NEDD4: variants seen among roughly 807,000 people sequenced by gnomAD.
The protein encoded by NEDD4 is NEDD4 E3 ubiquitin protein ligase.
NEDD4 carries 99 observed loss-of-function variants against 144.9 expected under a neutral mutation model. That is an observed-to-expected ratio of 0.68 (90% CI 0.58 to 0.81). NEDD4 has a LOEUF of 0.81. NEDD4 is among the 30% of genes least tolerant of loss of function. The pLI is 0.00. For missense variants in NEDD4, 985 were observed against 1,065.9 expected (o/e 0.92, Z 1.06); for synonymous variants, 318 against 350.6 (o/e 0.91, Z 1.04).
At chr15:55,838,302 A>G in intron 22 of NEDD4, 122 bp from the exon 23 acceptor site, 1 of 764,360 alleles carries the variant, frequency 1.3e-6, no homozygotes, top group Non-Finnish European at 2.1e-6. Flanking sequence ...GTTAAAAACT[A>G]AGAAAACTTA....
chr15:55,833,148 G>T lies in NEDD4; in HGVS notation c.2431-44C>A, dbSNP rs189952374. The T allele has an allele frequency of 1.8e-3, 2,153 of 1,228,588 alleles. 6 individuals carry two copies. Among genetic ancestry groups the T allele is most frequent in the Middle Eastern group, 3.1e-3 (16 of 5,222 alleles). 76.1% of individuals were successfully genotyped at this position (1,228,588 alleles called of 1,614,324 possible). On this transcript the variant is annotated intron_variant, in intron 26 of 28. Transcript: ENST00000435532. ...TCATTTAGGGAACAGCACTGGGAAA[G>T]AGGTAAACAAATTATCCTGAAACAT...
chr15:55,932,074 T>C (rs1261737683), intron 4 of NEDD4, among the ~76,000 whole-genome samples: 4 of 152,208 alleles, frequency 2.6e-5, no homozygotes, highest in African/African-American at 7.2e-5. Flanking sequence ...TCTTGAATTG[T>C]AGTTCGCATA....
intron 5 of NEDD4, among the ~76,000 whole-genome samples, chr15:55,907,364 T>G (rs927225479): frequency 6.6e-6 from 1 of 152,196 alleles, no homozygotes; most frequent in South Asian, 2.1e-4. Flanking sequence ...ATAAAAGTAA[T>G]TAAATCATAT....
At chr15:55,939,120 C>CA (rs1555405991) in intron 4 of NEDD4, among the ~76,000 whole-genome samples, 6 of 150,878 alleles carry the variant, frequency 4.0e-5, no homozygotes, top group Admixed American at 1.3e-4. Context: ...ACAACAACAA[C>CA]AACAAACAAA....
At chr15:55,855,514 A>G (rs1287366454) in intron 12 of NEDD4, among the ~76,000 whole-genome samples, 1 of 152,226 alleles carries the variant, frequency 6.6e-6, no homozygotes, top group African/African-American at 2.4e-5. Context: ...AAAAACAAGT[A>G]GGGCTTCTGG....
intron 6 of NEDD4, among the ~76,000 whole-genome samples, chr15:55,873,715 GT>G (rs2034889609): frequency 6.6e-6 from 1 of 152,042 alleles, no homozygotes; most frequent in Non-Finnish European, 1.5e-5. Flanking sequence ...TTTACACAAT[GT>G]TTTCACAATG....
chr15:55,929,460 C>A (rs1454268837), intron 4 of NEDD4, among the ~76,000 whole-genome samples: 2 of 151,878 alleles, frequency 1.3e-5, no homozygotes, highest in Non-Finnish European at 2.9e-5. Flanking sequence ...ACCCAACAGG[C>A]AGCTTTTCTA....
At chr15:55,989,279 A>G (rs143964435) in intron 1 of NEDD4, among the ~76,000 whole-genome samples, 81 of 152,310 alleles carry the variant, frequency 5.3e-4, no homozygotes, top group African/African-American at 1.9e-3. Flanking sequence ...TTAAAAATAC[A>G]CTATATTTAT....
Position 55,945,118 on chromosome 15 carries a change from G to A in NEDD4, c.237+6258C>T, listed in dbSNP as rs146565479. On this transcript the variant is annotated intron_variant, in intron 4 of 28. Transcript: ENST00000435532. ...AGCGCATCTTCTCCTCCAAAGGATC[G>A]CAGCCCCTCGCCAGCAACAGAACAA... 6.1e-3 allele frequency among the ~76,000 whole-genome samples: 935 copies of A among 152,142 alleles called. 12 individuals carry two copies. Among genetic ancestry groups the A allele is most frequent in the African/African-American group, 0.022 (897 of 41,508 alleles).
At chr15:55,907,925 G>A (rs1325260479) in intron 5 of NEDD4, among the ~76,000 whole-genome samples, 2 of 152,166 alleles carry the variant, frequency 1.3e-5, no homozygotes, top group Non-Finnish European at 2.9e-5. Context: ...CTATGAATCA[G>A]ACTCCACTGT....
chr15:55,899,204 T>C (rs1595815980), intron 5 of NEDD4, among the ~76,000 whole-genome samples: 2 of 150,050 alleles, frequency 1.3e-5, no homozygotes, highest in Non-Finnish European at 1.5e-5. Context: ...CTCTCTCTCT[T>C]TTTCAAACCT....
At chr15:55,839,344 T>C (rs1393603999) in intron 21 of NEDD4, among the ~76,000 whole-genome samples, 1 of 152,098 alleles carries the variant, frequency 6.6e-6, no homozygotes, top group African/African-American at 2.4e-5. Context: ...TGTGAAATGT[T>C]TAAGTAGCTA....
intron 3 of NEDD4, 43 bp from the exon 4 acceptor site, chr15:55,951,457 T>C (rs1281804359): frequency 1.5e-6 from 2 of 1,363,334 alleles, no homozygotes; most frequent in Non-Finnish European, 2.0e-6. Flanking sequence ...AGGTTTTGTC[T>C]TATAAAAATA....
chr15:55,985,277 T>A (rs2037871569), intron 1 of NEDD4, among the ~76,000 whole-genome samples: 1 of 152,242 alleles, frequency 6.6e-6, no homozygotes, highest in South Asian at 2.1e-4. Flanking sequence ...CACAGGCCAC[T>A]ACAGAAAATG....
At chr15:55,840,574 T>A in intron 20 of NEDD4, 32 bp downstream of exon 20, 1 of 1,613,416 alleles carries the variant, frequency 6.2e-7, no homozygotes, top group Non-Finnish European at 8.5e-7. Context: ...AACAGGTAAT[T>A]ATATTGTAAA....
intron 24 of NEDD4, among the ~76,000 whole-genome samples, chr15:55,837,210 A>T (rs1331054169): frequency 6.6e-6 from 1 of 152,108 alleles, no homozygotes; most frequent in African/African-American, 2.4e-5. Context: ...TGGATGGATC[A>T]CTTGAGGTCT....
intron 24 of NEDD4, among the ~76,000 whole-genome samples, chr15:55,837,056 A>G (rs1243397213): frequency 6.6e-6 from 1 of 152,228 alleles, no homozygotes. Context: ...TTTTTAATTT[A>G]TATTCTGAAT....
chr15:55,832,759 T>G (rs904202648), intron 27 of NEDD4, among the ~76,000 whole-genome samples: 2 of 152,116 alleles, frequency 1.3e-5, no homozygotes, highest in South Asian at 2.1e-4. Flanking sequence ...GGCATAGAAT[T>G]TGAAGTTAAA....
chr15:55,915,466 T>C, intron 5 of NEDD4: 3 of 1,613,806 alleles, frequency 1.9e-6, no homozygotes, highest in Non-Finnish European at 2.5e-6. Flanking sequence ...AATGAAATAC[T>C]TCTTCGTAAA....
Sources: gnomAD v4.1 joint callset for allele counts (sites outside exome capture counted in the v4.1 genomes callset) on GRCh38, gnomAD v4.1.1 for gene constraint, MANE v1.5 for transcripts, NCBI Gene and HGNC (gene_info 2026-07-23, HGNC 2026-07-21) for gene names.